The following PDE1C variants were observed in gnomAD, a reference collection of about 807,000 sequenced individuals.
PDE1C encodes dual specificity calcium/calmodulin-dependent 3',5'-cyclic nucleotide phosphodiesterase 1C.
PDE1C carries 62 observed loss-of-function variants against 93.1 expected under a neutral mutation model. That is an observed-to-expected ratio of 0.67 (90% CI 0.54 to 0.82). The LOEUF is 0.82. Ranked by LOEUF, PDE1C falls within the 40% of genes least tolerant of loss-of-function variation. The pLI is 0.00. For synonymous variants in PDE1C, 325 were observed against 310.1 expected (o/e 1.05, Z -0.50); for missense variants, 742 against 884.6 (o/e 0.84, Z 2.04).
intron 2 of PDE1C, among the ~76,000 whole-genome samples, chr7:31,969,663 A>C (rs1810606895): frequency 2.6e-5 from 4 of 152,202 alleles, no homozygotes; most frequent in Admixed American, 2.6e-4. Context: ...AAGGATTATA[A>C]ATCATGCTGC....
intron 1 of PDE1C, among the ~76,000 whole-genome samples, chr7:32,276,730 A>G (rs1811315444): frequency 6.6e-6 from 1 of 152,224 alleles, no homozygotes; most frequent in Non-Finnish European, 1.5e-5. Flanking sequence ...TGAGGATTAA[A>G]TGAGCCTGTG....
chr7:32,404,729 G>A (rs960314990), intron 1 of PDE1C, among the ~76,000 whole-genome samples: 43 of 152,138 alleles, frequency 2.8e-4, no homozygotes, highest in African/African-American at 9.4e-4. Flanking sequence ...GTGTGGGGTG[G>A]GGGTACACCT....
intron 1 of PDE1C, among the ~76,000 whole-genome samples, chr7:32,332,468 T>C (rs2128077451): frequency 6.6e-6 from 1 of 152,212 alleles, no homozygotes; most frequent in South Asian, 2.1e-4. Flanking sequence ...TTTTTTTTAA[T>C]TTGGCTTTAG....
intron 3 of PDE1C, among the ~76,000 whole-genome samples, chr7:32,129,006 T>C (rs1289992083): frequency 2.2e-5 from 3 of 135,930 alleles, no homozygotes; most frequent in Non-Finnish European, 3.2e-5. Context: ...CAGCCAACAA[T>C]TGGGAATATG....
intron 1 of PDE1C, among the ~76,000 whole-genome samples, chr7:32,226,272 C>T (rs973077208): frequency 3.9e-5 from 6 of 152,208 alleles, no homozygotes; most frequent in East Asian, 3.9e-4. Flanking sequence ...AACAACTGTA[C>T]GGTACCTGCC....
intron 2 of PDE1C, among the ~76,000 whole-genome samples, chr7:31,903,234 G>A (rs537512428): frequency 6.6e-5 from 10 of 151,966 alleles, no homozygotes; most frequent in African/African-American, 2.4e-4. Context: ...GCAAATGGGA[G>A]TCATGGGATA....
At chr7:31,905,961 C>T (rs1011563969) in intron 2 of PDE1C, among the ~76,000 whole-genome samples, 5 of 152,238 alleles carry the variant, frequency 3.3e-5, no homozygotes, top group Admixed American at 1.3e-4. Flanking sequence ...CGTCTCCTTG[C>T]TTCTGTGAAT....
At chr7:31,738,851 T>C in the PDE1C span, among the ~76,000 whole-genome samples, 14 of 152,226 alleles carry the variant, frequency 9.2e-5, no homozygotes, top group Admixed American at 3.9e-4. Context: ...ACCAGGATGG[T>C]AATGGCTGCC....
chr7:31,620,092 C>T, the PDE1C span, among the ~76,000 whole-genome samples: 1 of 152,188 alleles, frequency 6.6e-6, no homozygotes, highest in African/African-American at 2.4e-5. Context: ...ATTAGGTAAA[C>T]AAAGCAGCCG....
the PDE1C span, chr7:31,642,950 C>A: frequency 6.2e-7 from 1 of 1,613,934 alleles, no homozygotes; most frequent in African/African-American, 1.3e-5. Flanking sequence ...TGTGCCAAGA[C>A]CACCACGAGG....
At chr7:31,829,780 A>G (rs1225129512) in intron 11 of PDE1C, among the ~76,000 whole-genome samples, 1 of 152,188 alleles carries the variant, frequency 6.6e-6, no homozygotes, top group Non-Finnish European at 1.5e-5. Context: ...CTCAAGTGGC[A>G]TGATAAAAAT....
intron 2 of PDE1C, among the ~76,000 whole-genome samples, chr7:32,008,431 A>G (rs1399142660): frequency 1.3e-5 from 2 of 152,084 alleles, no homozygotes; most frequent in African/African-American, 2.4e-5. Context: ...AGACAAAGGA[A>G]CTCGAGGTCC....
intron 1 of PDE1C, among the ~76,000 whole-genome samples, chr7:32,406,410 C>G (rs574626290): frequency 1.4e-4 from 21 of 152,008 alleles, no homozygotes; most frequent in Non-Finnish European, 2.9e-4. Flanking sequence ...TTCCCAGATG[C>G]CACTGATGAC....
At chr7:32,044,767 G>A (rs569657351) in intron 2 of PDE1C, among the ~76,000 whole-genome samples, 22 of 152,296 alleles carry the variant, frequency 1.4e-4, no homozygotes, top group African/African-American at 5.1e-4. Context: ...AAGGGGCTCA[G>A]AAGTTTTGAT....
chr7:31,924,914 G>T (rs994399394), intron 2 of PDE1C, among the ~76,000 whole-genome samples: 1 of 152,158 alleles, frequency 6.6e-6, no homozygotes, highest in South Asian at 2.1e-4. Context: ...TTTAATTCAG[G>T]TATCAATGTA....
intron 2 of PDE1C, among the ~76,000 whole-genome samples, chr7:31,995,961 A>G (rs769084335): frequency 8.5e-5 from 13 of 152,080 alleles, no homozygotes; most frequent in Middle Eastern, 3.4e-3. Context: ...GCCAAAAAGC[A>G]TAGGTTTCTT....
chr7:31,803,513 C>T (rs1489066368), intron 16 of PDE1C, among the ~76,000 whole-genome samples: 1 of 151,808 alleles, frequency 6.6e-6, no homozygotes, highest in African/African-American at 2.4e-5. Flanking sequence ...ATTAACTCGT[C>T]GTTTAGCATT....
At chr7:32,341,201 A>G in intron 1 of PDE1C, among the ~76,000 whole-genome samples, 3 of 38,934 alleles carry the variant, frequency 7.7e-5, no homozygotes, top group African/African-American at 2.7e-4. Flanking sequence ...TTTGAGACGG[A>G]GTCTCGCTCT....
intron 1 of PDE1C, among the ~76,000 whole-genome samples, chr7:32,052,071 T>C (rs76697632): frequency 0.037 from 5,629 of 152,260 alleles, 372 homozygotes; most frequent in African/African-American, 0.13. Context: ...CATCTAGCAC[T>C]GAGGTCCCTT....
Sources: allele counts gnomAD v4.1 joint callset (sites outside exome capture counted in the v4.1 genomes callset), GRCh38; gene constraint gnomAD v4.1.1; transcripts MANE v1.5; gene names NCBI Gene and HGNC (gene_info 2026-07-23, HGNC 2026-07-21).